Variants in ASTN2 observed in about 807,000 individuals in gnomAD.
The protein encoded by ASTN2 is astrotactin-2.
Under a neutral mutation model 139.8 loss-of-function variants are expected in ASTN2, and 54 were observed. That is an observed-to-expected ratio of 0.39 (90% CI 0.31 to 0.48). The LOEUF is 0.48. Among genes scored for constraint, ASTN2 ranks in the 20% least tolerant of loss-of-function variants. The pLI, the probability that ASTN2 is intolerant of heterozygous loss-of-function variation, is 0.95. For synonymous variants in ASTN2, 756 were observed against 719.5 expected (o/e 1.05, Z -0.81); for missense variants, 1,565 against 1,725.1 (o/e 0.91, Z 1.64).
chr9:117,108,902 A>T (rs1829176615), intron 4 of ASTN2, among the ~76,000 whole-genome samples: 1 of 152,170 alleles, frequency 6.6e-6, no homozygotes, highest in African/African-American at 2.4e-5. Flanking sequence ...CATATTGACC[A>T]TGTAAATTTG....
At chr9:116,850,331 G>A (rs541821763) in intron 11 of ASTN2, among the ~76,000 whole-genome samples, 1 of 152,310 alleles carries the variant, frequency 6.6e-6, no homozygotes, top group South Asian at 2.1e-4. Flanking sequence ...ACAACTCCAT[G>A]TTGAGATGCT....
At chr9:117,200,996 C>CT (rs777675838) in intron 3 of ASTN2, among the ~76,000 whole-genome samples, 39,673 of 94,550 alleles carry the variant, frequency 0.42, 9,601 homozygotes, top group Middle Eastern at 0.61. Flanking sequence ...TGGTCCTGGG[C>CT]TTTTTTTTTT....
chr9:117,258,161 A>C (rs1833736471), intron 2 of ASTN2, among the ~76,000 whole-genome samples: 1 of 152,124 alleles, frequency 6.6e-6, no homozygotes, highest in South Asian at 2.1e-4. Flanking sequence ...CGCATGGGTC[A>C]TGAAGTTCAA....
intron 4 of ASTN2, among the ~76,000 whole-genome samples, chr9:117,117,464 G>T (rs1487443884): frequency 6.6e-6 from 1 of 151,432 alleles, no homozygotes; most frequent in Non-Finnish European, 1.5e-5. Context: ...AGGAAAGAAT[G>T]AGGGACTTTG....
At chr9:116,454,205 T>C (rs1011092029) in intron 20 of ASTN2, among the ~76,000 whole-genome samples, 3 of 152,094 alleles carry the variant, frequency 2.0e-5, no homozygotes, top group Admixed American at 6.5e-5. Flanking sequence ...AAATCCAATA[T>C]CCCTTATATA....
intron 13 of ASTN2, among the ~76,000 whole-genome samples, chr9:116,804,450 C>A (rs1830978543): frequency 6.6e-6 from 1 of 152,120 alleles, no homozygotes; most frequent in Admixed American, 6.5e-5. Context: ...CTCTAGATTT[C>A]TCTTTCTCTT....
intron 1 of ASTN2, among the ~76,000 whole-genome samples, chr9:117,400,360 C>G (rs1264933449): frequency 6.6e-6 from 1 of 152,170 alleles, no homozygotes; most frequent in Non-Finnish European, 1.5e-5. Flanking sequence ...GTGGGGAGGA[C>G]AGAACGTCTG....
chr9:116,553,153 G>T (rs1435205315), intron 19 of ASTN2, among the ~76,000 whole-genome samples: 6 of 152,052 alleles, frequency 3.9e-5, no homozygotes, highest in Non-Finnish European at 7.4e-5. Context: ...TTTTTTTAAT[G>T]GTTTGCTGGT....
chr9:116,843,095 A>G (rs1277757322), intron 11 of ASTN2, among the ~76,000 whole-genome samples: 1 of 152,192 alleles, frequency 6.6e-6, no homozygotes, highest in Non-Finnish European at 1.5e-5. Flanking sequence ...CTGGGTATAC[A>G]TCCAAAAGAA....
At chr9:117,296,277 CAAAAAAAAA>C (rs5900277) in intron 1 of ASTN2, among the ~76,000 whole-genome samples, 13 of 71,008 alleles carry the variant, frequency 1.8e-4, no homozygotes, top group African/African-American at 6.0e-4. Context: ...GACTGCATCT[CAAAAAAAAA>C]AAAAAAAAAA....
intron 4 of ASTN2, among the ~76,000 whole-genome samples, chr9:117,122,413 G>A (rs1829580362): frequency 6.6e-6 from 1 of 152,182 alleles, no homozygotes; most frequent in Non-Finnish European, 1.5e-5. Context: ...AATTGCACTA[G>A]TGCCTCTCAC....
At chr9:116,637,124 A>G (rs543995087) in intron 17 of ASTN2, among the ~76,000 whole-genome samples, 1 of 152,326 alleles carries the variant, frequency 6.6e-6, no homozygotes, top group African/African-American at 2.4e-5. Context: ...AAAATTCCGT[A>G]TAAATTACCC....
chr9:117,353,883 A>C (rs1829461886), intron 1 of ASTN2, among the ~76,000 whole-genome samples: 1 of 152,214 alleles, frequency 6.6e-6, no homozygotes, highest in Admixed American at 6.5e-5. Flanking sequence ...GACCAGCGAT[A>C]GCAGTGGGTT....
At chr9:116,989,138 T>A (rs1836769989) in intron 7 of ASTN2, among the ~76,000 whole-genome samples, 1 of 151,720 alleles carries the variant, frequency 6.6e-6, no homozygotes, top group African/African-American at 2.4e-5. Context: ...TCATTGACAT[T>A]TTTTTTTCCA....
chr9:117,253,402 C>G (rs961994310), intron 2 of ASTN2, among the ~76,000 whole-genome samples: 1 of 152,176 alleles, frequency 6.6e-6, no homozygotes, highest in Non-Finnish European at 1.5e-5. Flanking sequence ...GGGACCAATC[C>G]CAGAGACATT....
chr9:116,640,928 T>C (rs946831719), intron 17 of ASTN2, among the ~76,000 whole-genome samples: 2 of 152,108 alleles, frequency 1.3e-5, no homozygotes, highest in Admixed American at 1.3e-4. Flanking sequence ...CTTAAGGAGA[T>C]AAATCTACAG....
At chr9:116,895,964 A>G (rs1833869454) in intron 10 of ASTN2, among the ~76,000 whole-genome samples, 1 of 152,254 alleles carries the variant, frequency 6.6e-6, no homozygotes, top group South Asian at 2.1e-4. Flanking sequence ...TTAAAAAACA[A>G]TAAATGCCAT....
intron 20 of ASTN2, among the ~76,000 whole-genome samples, chr9:116,474,674 T>C (rs1848921414): frequency 6.6e-6 from 1 of 152,196 alleles, no homozygotes; most frequent in African/African-American, 2.4e-5. Flanking sequence ...TTAGGAAGCC[T>C]GGCCTCTAGC....
chr9:116,627,426 C>T (rs148349437), intron 17 of ASTN2, among the ~76,000 whole-genome samples: 2 of 152,148 alleles, frequency 1.3e-5, no homozygotes, highest in East Asian at 3.9e-4. Context: ...ACTAGGAGGC[C>T]CAAAGAAGAG....
Sources: gnomAD v4.1 joint callset for allele counts (sites outside exome capture counted in the v4.1 genomes callset) on GRCh38, gnomAD v4.1.1 for gene constraint, MANE v1.5 for transcripts, NCBI Gene and HGNC (gene_info 2026-07-23, HGNC 2026-07-21) for gene names.